Variants in STXBP5L observed in about 807,000 individuals in gnomAD.
STXBP5L encodes syntaxin-binding protein 5-like.
Under a neutral mutation model 144.5 loss-of-function variants are expected in STXBP5L, and 65 were observed. The ratio of observed to expected loss-of-function variants is 0.45; its 90% confidence interval spans 0.37 to 0.55. The LOEUF is 0.55. STXBP5L is among the 20% of genes least tolerant of loss of function. The pLI, the probability that STXBP5L is intolerant of heterozygous loss-of-function variation, is 0.00. For missense variants in STXBP5L, 1,298 were observed against 1,405.5 expected (o/e 0.92, Z 1.22); for synonymous variants, 505 against 469.6 (o/e 1.08, Z -0.97).
chr3:121,359,846 ATACCTCTGTAGTATAATTTG>A (rs1259610868), intron 20 of STXBP5L, among the ~76,000 whole-genome samples: 1 of 151,570 alleles, frequency 6.6e-6, no homozygotes, highest in African/African-American at 2.4e-5. Flanking sequence ...TTTGGTAACT[ATACCTCTGTAGTATAATTTG>A]TACCTCTGTA....
At chr3:121,096,771 G>T (rs1316592056) in intron 5 of STXBP5L, among the ~76,000 whole-genome samples, 1 of 152,192 alleles carries the variant, frequency 6.6e-6, no homozygotes, top group Non-Finnish European at 1.5e-5. Flanking sequence ...CCTGTATGAG[G>T]TTTCTGTCAG....
At chr3:121,351,355 G>T (rs2045274234) in intron 20 of STXBP5L, among the ~76,000 whole-genome samples, 1 of 152,138 alleles carries the variant, frequency 6.6e-6, no homozygotes, top group Non-Finnish European at 1.5e-5. Flanking sequence ...CGTGTCAGGT[G>T]TCAGTCTGCC....
rs140955523 is a variant in STXBP5L at position 121,422,102 on chromosome 3, GCA to G, written c.*3019_*3020del. On this transcript the variant is annotated 3_prime_UTR_variant, in exon 27 of 27. Coordinates refer to ENST00000471454, the MANE Select transcript of STXBP5L (RefSeq NM_001308330.2). ...CTGTTGCACTGACCTTAGCACGCAC[GCA>G]CACACACACACACCATCGCCACCAC... 7.3e-5 allele frequency: 11 copies of G among 150,578 alleles called. No individual in the cohort carries two copies. Among genetic ancestry groups the G allele is most frequent in the Admixed American group, 4.0e-4 (6 of 15,084 alleles). The allele number at this position is 150,578 out of a possible 1,614,324, so 9.3% of individuals were successfully genotyped here.
At chr3:120,991,947 A>C (rs944880425) in intron 3 of STXBP5L, among the ~76,000 whole-genome samples, 68 of 152,180 alleles carry the variant, frequency 4.5e-4, no homozygotes, top group Non-Finnish European at 8.5e-4. Context: ...TGTACCCTAA[A>C]ACTTAAAGTA....
intron 8 of STXBP5L, among the ~76,000 whole-genome samples, chr3:121,154,557 G>C (rs975262441): frequency 1.3e-5 from 2 of 151,050 alleles, no homozygotes; most frequent in African/African-American, 4.9e-5. Context: ...TCTCCTTTAC[G>C]TTATTGATAT....
At chr3:121,280,955 A>G (rs977337387) in intron 19 of STXBP5L, among the ~76,000 whole-genome samples, 2 of 150,744 alleles carry the variant, frequency 1.3e-5, no homozygotes, top group Admixed American at 6.6e-5. Flanking sequence ...TAATAAGTAA[A>G]TAAAATAAAA....
intron 3 of STXBP5L, among the ~76,000 whole-genome samples, chr3:120,966,536 G>T (rs946366188): frequency 6.6e-6 from 1 of 152,126 alleles, no homozygotes; most frequent in African/African-American, 2.4e-5. Flanking sequence ...TAACAGTCAG[G>T]TCCCTCAACT....
chr3:121,251,768 G>C (rs1333200715), intron 15 of STXBP5L, among the ~76,000 whole-genome samples: 1 of 152,128 alleles, frequency 6.6e-6, no homozygotes, highest in Non-Finnish European at 1.5e-5. Context: ...AAACACACAA[G>C]CAGAGGAAGA....
In STXBP5L at chr3:121,415,869, G is replaced by C. The variant is rs1443368949; in HGVS notation, c.3127G>C (p.Asp1043His). The change falls in exon 25 of 27, where the codon GAT (aspartate) becomes CAT (histidine). Residue 1043 changes from aspartate to histidine, a missense_variant. By Grantham distance (81) the Asp-to-His change is moderately conservative (BLOSUM62 -1). Transcript: ENST00000471454. ...MCDNLQDMLG[D>H]LFTPIETPEA... is the part of the protein sequence containing the mutation. The stretch of plus-strand genomic sequence containing the variant: ...GAATTTGATGCAGGACATGCTAGGA[G>C]ATTTGTTTACTCCCATAGAGACACC... The C allele has an allele frequency of 1.2e-6, 2 of 1,605,338 alleles. No individual in the cohort carries two copies. The highest frequency in any genetic ancestry group is 1.7e-6 in the Non-Finnish European group (2 of 1,175,446).
intron 3 of STXBP5L, among the ~76,000 whole-genome samples, chr3:120,979,455 C>G (rs143590702): frequency 0.019 from 2,942 of 152,234 alleles, 91 homozygotes; most frequent in African/African-American, 0.066. Context: ...TCTGTCACCC[C>G]TTTCTTTGAC....
chr3:121,110,635 C>T (rs2043938455), intron 5 of STXBP5L, among the ~76,000 whole-genome samples: 1 of 152,044 alleles, frequency 6.6e-6, no homozygotes, highest in Non-Finnish European at 1.5e-5. Flanking sequence ...GGTTACCTGG[C>T]CTTTCTCTCT....
intron 19 of STXBP5L, among the ~76,000 whole-genome samples, chr3:121,305,789 A>T (rs905419572): frequency 2.0e-5 from 3 of 152,130 alleles, no homozygotes; most frequent in African/African-American, 7.2e-5. Context: ...TAACCTAGTA[A>T]GGACAAAAAG....
intron 2 of STXBP5L, among the ~76,000 whole-genome samples, chr3:120,949,298 G>C (rs1711050496): frequency 1.3e-5 from 2 of 151,898 alleles, no homozygotes; most frequent in African/African-American, 4.8e-5. Flanking sequence ...TGAGTTTCTT[G>C]TAGATTCTGG....
chr3:120,938,490 A>G (rs559710425), intron 2 of STXBP5L, among the ~76,000 whole-genome samples: 1 of 152,316 alleles, frequency 6.6e-6, no homozygotes, highest in East Asian at 1.9e-4. Context: ...ATATGCGACC[A>G]AATTGTCCCA....
chr3:121,129,749 C>A (rs1391554472), intron 7 of STXBP5L, among the ~76,000 whole-genome samples: 1 of 151,942 alleles, frequency 6.6e-6, no homozygotes, highest in Admixed American at 6.6e-5. Context: ...GGAAAGTATA[C>A]CAATTCACTT....
chr3:121,135,463 C>G (rs2045205138), intron 7 of STXBP5L, among the ~76,000 whole-genome samples: 1 of 152,090 alleles, frequency 6.6e-6, no homozygotes, highest in South Asian at 2.1e-4. Flanking sequence ...GAGTGCTAAG[C>G]TTGTTTTGCT....
intron 2 of STXBP5L, among the ~76,000 whole-genome samples, chr3:120,916,888 A>T (rs1709129149): frequency 6.6e-6 from 1 of 152,210 alleles, no homozygotes; most frequent in Admixed American, 6.5e-5. Flanking sequence ...TGTTCCTATA[A>T]ATTGACTAAA....
intron 25 of STXBP5L, among the ~76,000 whole-genome samples, chr3:121,417,790 T>C (rs749776659): frequency 9.9e-5 from 15 of 152,216 alleles, no homozygotes; most frequent in Non-Finnish European, 1.8e-4. Context: ...ATGTAACTTA[T>C]ATGGGTAAAT....
At chr3:121,391,397 CAA>C (rs1457204308) in intron 22 of STXBP5L, among the ~76,000 whole-genome samples, 1 of 152,166 alleles carries the variant, frequency 6.6e-6, no homozygotes, top group Non-Finnish European at 1.5e-5. Context: ...GTCAACTTGT[CAA>C]AGTCATTCTC....
Sources: allele counts gnomAD v4.1 joint callset (sites outside exome capture counted in the v4.1 genomes callset), GRCh38; gene constraint gnomAD v4.1.1; transcripts MANE v1.5; gene names NCBI Gene and HGNC (gene_info 2026-07-23, HGNC 2026-07-21).